Variants in COL8A2 observed in about 807,000 individuals in gnomAD.
The protein encoded by COL8A2 is collagen type VIII alpha 2 chain.
In COL8A2, 16 loss-of-function variants were observed where a neutral mutation model predicts 24.0. That is an observed-to-expected ratio of 0.67 (90% CI 0.45 to 1.01). COL8A2 has a LOEUF of 1.01. Ranked by LOEUF, COL8A2 falls within the 50% of genes least tolerant of loss-of-function variation. The pLI is 0.00. For synonymous variants in COL8A2, 466 were observed against 424.5 expected (o/e 1.10, Z -1.20); for missense variants, 818 against 942.4 (o/e 0.87, Z 1.73).
chr1:36,097,737 G>C lies in COL8A2; in HGVS notation c.1944C>G (p.Tyr648Ter), dbSNP rs374892980. The part of the protein sequence containing the change: ...YKNNVPATYT[Y>*]DEYKKGYLDQ... ...CCAGGTAGCCCTTCTTGTACTCATC[G>C]TAGGTATAGGTGGCCGGCACGTTGT... The change falls in exon 4 of 4, where the codon TAC becomes TAG. Residue 648 changes from tyrosine to a stop codon, truncating the protein, a stop_gained. Transcript: ENST00000397799. LOFTEE classifies it high-confidence loss of function. The C allele has an allele frequency of 6.2e-7, 1 of 1,613,774 alleles. No individual in the cohort carries two copies.
At chr1:36,114,249 G>A (rs1322472916) in intron 2 of COL8A2, among the ~76,000 whole-genome samples, 1 of 151,760 alleles carries the variant, frequency 6.6e-6, no homozygotes, top group East Asian at 1.9e-4. Context: ...AACCTGGGAG[G>A]CGGAGCTTGC....
At chr1:36,100,485 C>T (rs1643662145) in intron 2 of COL8A2, among the ~76,000 whole-genome samples, 2 of 152,304 alleles carry the variant, frequency 1.3e-5, no homozygotes, top group South Asian at 2.1e-4. Context: ...CTGTTCATCA[C>T]CCCCACCATC....
chr1:36,100,059 G>A lies in COL8A2; in HGVS notation c.184C>T (p.Gln62Ter). Residue 62 changes from glutamine (Q) to a stop codon, truncating the protein, a stop_gained, in exon 3 of 4, where the codon CAG becomes TAG. Coordinates refer to ENST00000397799, the MANE Select transcript of COL8A2 (RefSeq NM_005202.4). LOFTEE classifies it low-confidence loss of function (END_TRUNC). ...VGPPFREGKGQYLEMPLPLLP... is the reference protein window; with the variant it reads ...VGPPFREGKG ...GTGAGGAGGCTCTCACCCAGGTACT[G>A]GCCTTTGCCCTCACGGAAGGGCGGT... is the stretch of plus-strand genomic sequence containing the variant. 1 of 1,611,692 alleles carries A rather than the reference G, an allele frequency of 6.2e-7. No individual in the cohort carries two copies. The highest frequency in any genetic ancestry group is 8.5e-7 in the Non-Finnish European group (1 of 1,178,228).
At chr1:36,101,876 T>A (rs1643683323) in intron 2 of COL8A2, among the ~76,000 whole-genome samples, 1 of 148,508 alleles carries the variant, frequency 6.7e-6, no homozygotes, top group Non-Finnish European at 1.5e-5. Context: ...AACCCCAAAT[T>A]TAAAAATATA....
At chr1:36,116,833 GGGAGCCAT>G (rs1390881360) in intron 1 of COL8A2, among the ~76,000 whole-genome samples, 6 of 152,214 alleles carry the variant, frequency 3.9e-5, no homozygotes, top group Admixed American at 2.0e-4. Flanking sequence ...GAGAGCAATG[GGGAGCCAT>G]GGAGGGTTAT....
intron 1 of COL8A2, among the ~76,000 whole-genome samples, chr1:36,122,191 C>T (rs1208591347): frequency 1.3e-5 from 2 of 152,146 alleles, no homozygotes; most frequent in East Asian, 3.9e-4. Context: ...CTACTCCTCA[C>T]CTCTCTGCAG....
At chr1:36,110,770 G>A (rs1643830078) in intron 2 of COL8A2, among the ~76,000 whole-genome samples, 1 of 152,212 alleles carries the variant, frequency 6.6e-6, no homozygotes, top group South Asian at 2.1e-4. Flanking sequence ...GGGATTATAG[G>A]CATGAGCAAC....
rs1049390332 is a variant in COL8A2 at position 36,115,256 on chromosome 1, C to A, written c.-17+452G>T. Among the ~76,000 whole-genome samples the A allele has an allele frequency of 6.6e-6, 1 of 152,224 alleles. No homozygotes were observed. Among genetic ancestry groups the A allele is most frequent in the South Asian group, 2.1e-4 (1 of 4,836 alleles). ...AGGCGGGGCCTCCTCAGCCTCCAAT[C>A]CCTCACCTTCTGGTTCGCATTTGCA... is the stretch of plus-strand genomic sequence containing the variant. On this transcript the variant is annotated intron_variant, in intron 2 of 3. Coordinates refer to ENST00000397799, the MANE Select transcript of COL8A2 (RefSeq NM_005202.4). This position sits in a 1 kb window ranked among gnomAD's most constrained non-coding sequence, Gnocchi z 5.7.
In COL8A2 at chr1:36,123,400, A is replaced by G. The variant is rs1470407035; in HGVS notation, c.-62+1657T>C. 6.6e-6 allele frequency among the ~76,000 whole-genome samples: 1 copy of G among 152,214 alleles called. No individual in the cohort carries two copies. Among genetic ancestry groups the G allele is most frequent in the Non-Finnish European group, 1.5e-5 (1 of 68,034 alleles). On this transcript the variant is annotated intron_variant, in intron 1 of 3. Transcript: ENST00000397799. This position sits in a 1 kb window ranked among gnomAD's most constrained non-coding sequence, Gnocchi z 4.1. Reference sequence around the variant, plus strand: ...GCTCAGGCTGACAGCCCTGCTTAGTATCTTTCTCCTCCCTCTTGCTAACAG... The same window carrying G: ...GCTCAGGCTGACAGCCCTGCTTAGTGTCTTTCTCCTCCCTCTTGCTAACAG...
intron 2 of COL8A2, among the ~76,000 whole-genome samples, chr1:36,110,888 A>G (rs904210301): frequency 5.3e-5 from 8 of 152,174 alleles, no homozygotes; most frequent in Non-Finnish European, 1.2e-4. Context: ...AAGCCTGCTC[A>G]GGACTAGGAA....
chr1:36,119,573 G>A (rs984819455), intron 1 of COL8A2, among the ~76,000 whole-genome samples: 1 of 152,222 alleles, frequency 6.6e-6, no homozygotes, highest in Non-Finnish European at 1.5e-5. Context: ...TCCTGGCTAA[G>A]CAGCTGGATT....
rs66899567 is a variant in COL8A2, at chr1:36,099,574, G to A, written c.194-87C>T. On this transcript the variant is annotated intron_variant, in intron 3 of 3. Transcript: ENST00000397799. ...TACCCATTCCCCCATTCCAGTATGA[G>A]GTACACGGGAGAGGAAGAATGGGGC... 128,262 of 999,362 alleles carry A rather than the reference G, an allele frequency of 0.13. 8,754 individuals are homozygous for A. The highest frequency in any genetic ancestry group is 0.2 in the East Asian group (7,681 of 38,490). 61.9% of individuals were successfully genotyped at this position (999,362 alleles called of 1,614,324 possible).
At chr1:36,121,483 G>A (rs1023751871) in intron 1 of COL8A2, among the ~76,000 whole-genome samples, 1 of 151,306 alleles carries the variant, frequency 6.6e-6, no homozygotes, top group African/African-American at 2.4e-5. Flanking sequence ...CACTTTGGGA[G>A]GCCAAGGCGG....
intron 1 of COL8A2, among the ~76,000 whole-genome samples, chr1:36,118,215 T>A (rs1203650515): frequency 6.6e-6 from 1 of 152,138 alleles, no homozygotes; most frequent in African/African-American, 2.4e-5. Context: ...TCACATCCAT[T>A]CTCTAAGGAA....
rs1315919611 is a variant in COL8A2, at chr1:36,095,345, C to T, written c.*2224G>A. 1.3e-5 allele frequency: 2 copies of T among 152,032 alleles called. No individual in the cohort carries two copies. The highest frequency in any genetic ancestry group is 2.4e-5 in the African/African-American group (1 of 41,390). 9.4% of individuals were successfully genotyped at this position (152,032 alleles called of 1,614,324 possible). On this transcript the variant is annotated 3_prime_UTR_variant, in exon 4 of 4. Transcript: ENST00000397799. ...TCTTTGATTCCCAAGTGCATTTTTC[C>T]TGAATCTTCTGTGATACAGGGCACA...
intron 2 of COL8A2, among the ~76,000 whole-genome samples, chr1:36,109,581 CT>C (rs10715688): frequency 0.69 from 96,710 of 141,066 alleles, 34,667 homozygotes; most frequent in Non-Finnish European, 0.83. Context: ...AGTAACCACT[CT>C]TTTTTTTTTT....
intron 1 of COL8A2, among the ~76,000 whole-genome samples, chr1:36,118,026 G>A (rs1643887930): frequency 6.6e-6 from 1 of 152,176 alleles, no homozygotes; most frequent in Non-Finnish European, 1.5e-5. Context: ...ACCTAAAGCT[G>A]CTTCCCCATT....
chr1:36,114,145 C>T (rs1643868053), intron 2 of COL8A2, among the ~76,000 whole-genome samples: 1 of 119,836 alleles, frequency 8.3e-6, no homozygotes, highest in Admixed American at 9.4e-5. Flanking sequence ...GGTGAAACCC[C>T]ATCTCTACTA....
rs551483581 is a variant in COL8A2, at chr1:36,117,293, AC to A, written c.-61-1542del. Among the ~76,000 whole-genome samples, 53 of 152,136 alleles carry A rather than the reference AC, an allele frequency of 3.5e-4. No individual in the cohort carries two copies. In the South Asian group the frequency reaches 1.0e-2, roughly 29 times the overall value. ...TGGATGATGGAGCCCAGGTAGGAGG[AC>A]CCTCCAGCTCAGCTTAGCCCCAGCT... On this transcript the variant is annotated intron_variant, in intron 1 of 3. Coordinates refer to ENST00000397799, the MANE Select transcript of COL8A2 (RefSeq NM_005202.4).
Sources: gnomAD v4.1 joint callset for allele counts (sites outside exome capture counted in the v4.1 genomes callset) on GRCh38, gnomAD v4.1.1 for gene constraint, Gnocchi (gnomAD v3.1) non-coding constraint, MANE v1.5 for transcripts, NCBI Gene and HGNC (gene_info 2026-07-23, HGNC 2026-07-21) for gene names.